Variants in ARFGEF1 observed in about 807,000 individuals in gnomAD.
ARFGEF1 encodes the protein brefeldin A-inhibited guanine nucleotide-exchange protein 1.
In ARFGEF1, 42 loss-of-function variants were observed where a neutral mutation model predicts 231.0. The ratio of observed to expected loss-of-function variants is 0.18; its 90% CI spans 0.14 to 0.24. The LOEUF (loss-of-function observed/expected upper bound fraction) is 0.24, where lower values mean the gene tolerates loss of function less well. Ranked by LOEUF, ARFGEF1 falls within the 10% of genes least tolerant of loss-of-function variation. ARFGEF1 has a pLI of 1.00. For missense variants in ARFGEF1, 1,345 were observed against 2,192.0 expected, an observed-to-expected ratio of 0.61 and a Z score of 7.72; for synonymous variants, 710 against 732.3, an observed-to-expected ratio of 0.97 and a Z score of 0.49.
At chr8:67,297,370 T>C (rs1245350866) in intron 4 of ARFGEF1, among the ~76,000 whole-genome samples, 1 of 152,172 alleles carries the variant, frequency 6.6e-6, no homozygotes, top group Non-Finnish European at 1.5e-5. Context: ...TGTGCTGTTG[T>C]TGTTATTGTT....
intron 5 of ARFGEF1, among the ~76,000 whole-genome samples, chr8:67,180,279 G>C (rs1202808193): frequency 6.6e-6 from 1 of 152,172 alleles, no homozygotes; most frequent in Non-Finnish European, 1.5e-5. Context: ...AAGGAACAAA[G>C]TTTTGAAACT....
At chr8:67,189,874 C>T (rs1052395198) in intron 5 of ARFGEF1, among the ~76,000 whole-genome samples, 9 of 151,870 alleles carry the variant, frequency 5.9e-5, no homozygotes, top group African/African-American at 9.7e-5. Context: ...CGGAGGTTAC[C>T]GTAGATGTTG....
intron 7 of ARFGEF1, among the ~76,000 whole-genome samples, chr8:67,279,688 A>G (rs1805457829): frequency 1.3e-5 from 2 of 152,210 alleles, no homozygotes; most frequent in South Asian, 4.1e-4. Context: ...CGTGGCTTGA[A>G]ATCTTCACTT....
intron 18 of ARFGEF1, 147 bp downstream of exon 18, chr8:67,253,304 G>A (rs894715777): frequency 4.1e-6 from 2 of 484,846 alleles, no homozygotes; most frequent in African/African-American, 4.0e-5. Context: ...TCGAACTCCT[G>A]GGTTCAAGTG....
At chr8:67,326,616 T>C (rs1203986663) in intron 1 of ARFGEF1, among the ~76,000 whole-genome samples, 2 of 152,242 alleles carry the variant, frequency 1.3e-5, no homozygotes, top group East Asian at 1.9e-4. Flanking sequence ...ATTTCTTATA[T>C]AATACTTAAG....
rs374793420 is a variant in ARFGEF1 at position 67,227,149 on chromosome 8, C to T, written c.3904G>A (p.Gly1302Arg). 9.3e-6 allele frequency: 15 copies of T among 1,611,808 alleles called. No homozygotes were observed. The highest frequency in any genetic ancestry group is 1.7e-5 in the Admixed American group (1 of 59,900). The change falls in exon 27 of 39, where the codon GGG becomes AGG. Residue 1302 changes from glycine to arginine, a missense_variant. Coordinates refer to ENST00000262215, the MANE Select transcript of ARFGEF1 (RefSeq NM_006421.5). ...SIVELAFQTT[G>R]HIVTLVFEKH... is the part of the protein sequence containing the mutation. ...AGAGAATACTCACTGACAATGTGCC[C>T]GGTTGTTTGGAATGCAAGTTCCACT...
intron 10 of ARFGEF1, among the ~76,000 whole-genome samples, chr8:67,270,013 A>T (rs368185021): frequency 1.3e-5 from 2 of 152,180 alleles, no homozygotes; most frequent in African/African-American, 4.8e-5. Context: ...TTGGTTACAT[A>T]AAGTATTACA....
chr8:67,198,911 C>T lies in ARFGEF1; in HGVS notation c.*23G>A, dbSNP rs142078795. 1.0e-4 allele frequency: 167 copies of T among 1,609,686 alleles called. 1 individual carries two copies. The East Asian group carries it at 3.7e-3, about 36-fold the overall frequency. On this transcript the variant is annotated 3_prime_UTR_variant, in exon 39 of 39. Coordinates refer to ENST00000262215, the MANE Select transcript of ARFGEF1 (RefSeq NM_006421.5). ...TTTAAAGAGCAGAGGGATGTAAATG[C>T]CAACAAAAATATTAAGTTCCCATCA...
chr8:67,332,923 GACTA>G (rs1276886113), intron 1 of ARFGEF1, among the ~76,000 whole-genome samples: 3 of 152,086 alleles, frequency 2.0e-5, no homozygotes, highest in Non-Finnish European at 4.4e-5. Flanking sequence ...TTGTTCTGAG[GACTA>G]ACTGAGATAA....
At chr8:67,227,859 A>G in intron 25 of ARFGEF1, 104 bp downstream of exon 25, 1 of 1,024,810 alleles carries the variant, frequency 9.8e-7, no homozygotes, top group Non-Finnish European at 1.3e-6. Context: ...TTAAAAAGTA[A>G]TAAATAATTG....
rs967133314 is a variant in ARFGEF1, at chr8:67,175,667, G to A, written c.561-95C>T. 1.1e-5 allele frequency: 7 copies of A among 643,060 alleles called. No individual in the cohort carries two copies. The African/African-American group carries it at 1.3e-4, about 11-fold the overall frequency. 39.8% of individuals were successfully genotyped at this position (643,060 alleles called of 1,614,324 possible). A position where few individuals can be genotyped will look rare whatever the true frequency, so the allele number is the denominator to read the frequency against. On this transcript the variant is annotated intron_variant, in intron 5 of 5. Transcript: ENST00000518789. Reference sequence around the variant, plus strand: ...CATGAGAGGGGCCCAGTCATTCACTGTAGCCAGGAGGACTGAATACTTTGA... The same window carrying A: ...CATGAGAGGGGCCCAGTCATTCACTATAGCCAGGAGGACTGAATACTTTGA...
Position 67,312,243 on chromosome 8 carries a change from AT to A in ARFGEF1, c.125-9778del, listed in dbSNP as rs1173414172. ...CCCAAGAATTATCAATAAAAAAAAA[AT>A]TAAAAAAAAAAAAAAACAACACACA... On this transcript the variant is annotated intron_variant, in intron 1 of 38. Transcript: ENST00000262215. Among the ~76,000 whole-genome samples, 105 of 149,296 alleles carry A rather than the reference AT, an allele frequency of 7.0e-4. 1 individual carries two copies. The highest frequency in any genetic ancestry group is 2.5e-3 in the African/African-American group (98 of 39,628).
intron 29 of ARFGEF1, among the ~76,000 whole-genome samples, chr8:67,221,762 G>C (rs539226420): frequency 3.3e-5 from 5 of 151,512 alleles, no homozygotes; most frequent in Non-Finnish European, 7.4e-5. Flanking sequence ...CCAGTCCGGC[G>C]AGTTCCAGTC....
chr8:67,176,210 C>T (rs905558098), intron 5 of ARFGEF1, among the ~76,000 whole-genome samples: 4 of 151,878 alleles, frequency 2.6e-5, no homozygotes, highest in African/African-American at 7.3e-5. Flanking sequence ...TTCAGGCCAT[C>T]GAGGTTAACC....
downstream of ARFGEF1, chr8:67,195,635 A>G (rs1837788666): frequency 6.4e-7 from 1 of 1,555,546 alleles, no homozygotes; most frequent in Non-Finnish European, 8.8e-7. Flanking sequence ...TTAAGGTGAA[A>G]GGAATGGTAA....
intron 22 of ARFGEF1, among the ~76,000 whole-genome samples, chr8:67,236,317 CAAAAA>C (rs1170379472): frequency 0.2 from 2,393 of 12,064 alleles, 265 homozygotes; most frequent in African/African-American, 0.37. Context: ...GACTGTGACT[CAAAAA>C]AAAAAAAAAA....
intron 14 of ARFGEF1, among the ~76,000 whole-genome samples, chr8:67,262,601 G>A (rs1441880965): frequency 5.9e-5 from 9 of 152,096 alleles, no homozygotes; most frequent in Non-Finnish European, 1.0e-4. Context: ...GAAATCTTTC[G>A]TGAATGGAAG....
intron 5 of ARFGEF1, among the ~76,000 whole-genome samples, chr8:67,295,148 T>A (rs1309458493): frequency 6.6e-6 from 1 of 152,074 alleles, no homozygotes; most frequent in African/African-American, 2.4e-5. Context: ...GAAATTCAAT[T>A]AATAAATACA....
chr8:67,260,567 C>A (rs1804574634), intron 14 of ARFGEF1, among the ~76,000 whole-genome samples: 1 of 152,142 alleles, frequency 6.6e-6, no homozygotes. Flanking sequence ...TTAATCAATA[C>A]TTGTGTGTGT....
Sources: allele counts gnomAD v4.1 joint callset (sites outside exome capture counted in the v4.1 genomes callset), GRCh38; gene constraint gnomAD v4.1.1; transcripts MANE v1.5; gene names NCBI Gene and HGNC (gene_info 2026-07-23, HGNC 2026-07-21).